Variants in TBC1D2B observed in about 807,000 individuals in gnomAD.
TBC1D2B encodes TBC1 domain family, member 2B.
Under a neutral mutation model 100.8 loss-of-function variants are expected in TBC1D2B, and 64 were observed. The ratio of observed to expected loss-of-function variants is 0.64; its 90% CI spans 0.52 to 0.78. The LOEUF (loss-of-function observed/expected upper bound fraction) is 0.78, where lower values mean the gene tolerates loss of function less well. Ranked by LOEUF, TBC1D2B falls within the 30% of genes least tolerant of loss-of-function variation. TBC1D2B has a pLI of 0.00. For missense variants in TBC1D2B, 1,052 were observed against 1,218.4 expected (o/e 0.86, Z 2.03); for synonymous variants, 480 against 479.7 (o/e 1.00, Z -0.01).
intron 6 of TBC1D2B, among the ~76,000 whole-genome samples, chr15:78,021,273 A>C (rs1028339830): frequency 2.0e-5 from 3 of 151,998 alleles, no homozygotes; most frequent in Non-Finnish European, 4.4e-5. Context: ...AAAGATATAT[A>C]AACATATCTT....
chr15:78,055,907 G>A (rs147660645), intron 1 of TBC1D2B, among the ~76,000 whole-genome samples: 37 of 152,294 alleles, frequency 2.4e-4, no homozygotes, highest in South Asian at 6.2e-4. Flanking sequence ...CAGGCGACGC[G>A]GGGCTGGCGT....
chr15:78,060,027 A>T (rs1441132104), intron 1 of TBC1D2B, among the ~76,000 whole-genome samples: 2 of 152,182 alleles, frequency 1.3e-5, no homozygotes, highest in Non-Finnish European at 2.9e-5. Flanking sequence ...AATTTACCAC[A>T]TTTTAGAAGC....
chr15:78,032,145 G>C (rs886910444), intron 3 of TBC1D2B, among the ~76,000 whole-genome samples: 1 of 152,220 alleles, frequency 6.6e-6, no homozygotes, highest in African/African-American at 2.4e-5. Context: ...TCCGAGGACA[G>C]GGAGAGAACC....
At chr15:78,060,095 T>G (rs2073511422) in intron 1 of TBC1D2B, among the ~76,000 whole-genome samples, 1 of 152,182 alleles carries the variant, frequency 6.6e-6, no homozygotes, top group Non-Finnish European at 1.5e-5. Context: ...GTAGCTAAAG[T>G]AGTCCAAAAG....
intron 10 of TBC1D2B, among the ~76,000 whole-genome samples, chr15:78,007,963 G>A (rs2072111105): frequency 6.6e-6 from 1 of 152,266 alleles, no homozygotes; most frequent in Non-Finnish European, 1.5e-5. Flanking sequence ...GCAACACCAA[G>A]TGGTGCAGGA....
chr15:78,013,465 C>T (rs1006926932), intron 8 of TBC1D2B, 148 bp from the exon 9 acceptor site: 21 of 798,942 alleles, frequency 2.6e-5, no homozygotes, highest in African/African-American at 1.4e-4. Context: ...AGGATATAAT[C>T]GACTTCTCAG....
At chr15:78,037,628 G>A (rs1486822060) in intron 3 of TBC1D2B, among the ~76,000 whole-genome samples, 1 of 147,988 alleles carries the variant, frequency 6.8e-6, no homozygotes, top group Non-Finnish European at 1.5e-5. Flanking sequence ...AGAGGAAGAT[G>A]CAGCAGGGTG....
intron 2 of TBC1D2B, among the ~76,000 whole-genome samples, chr15:78,045,393 A>G (rs962388484): frequency 6.6e-6 from 1 of 152,252 alleles, no homozygotes; most frequent in African/African-American, 2.4e-5. Flanking sequence ...ACCCGTCATC[A>G]AAGTCCAATC....
intron 4 of TBC1D2B, among the ~76,000 whole-genome samples, chr15:78,027,233 G>A (rs946659676): frequency 6.6e-6 from 1 of 152,126 alleles, no homozygotes. Context: ...TCCCTGGGGC[G>A]GGGTAGTGAC....
At chr15:78,053,291 G>A (rs1214088240) in intron 2 of TBC1D2B, among the ~76,000 whole-genome samples, 4 of 152,172 alleles carry the variant, frequency 2.6e-5, no homozygotes, top group East Asian at 1.9e-4. Context: ...TTTAATGTAC[G>A]CTCCGTGTGT....
intron 1 of TBC1D2B, among the ~76,000 whole-genome samples, chr15:78,069,480 C>T (rs1340793159): frequency 6.6e-6 from 1 of 152,192 alleles, no homozygotes; most frequent in Non-Finnish European, 1.5e-5. Flanking sequence ...ACCCTTTGTA[C>T]CCAACACGAT....
intron 2 of TBC1D2B, among the ~76,000 whole-genome samples, chr15:78,049,473 A>G (rs374544935): frequency 6.6e-6 from 1 of 152,054 alleles, no homozygotes; most frequent in African/African-American, 2.4e-5. Context: ...TATACTCATC[A>G]TACTTCCTGA....
At chr15:78,004,981 G>A (rs2072027403) in intron 10 of TBC1D2B, among the ~76,000 whole-genome samples, 1 of 152,230 alleles carries the variant, frequency 6.6e-6, no homozygotes, top group Non-Finnish European at 1.5e-5. Context: ...CTGTAAAGTG[G>A]CAAGGGAGAT....
chr15:78,058,976 C>T (rs956038009), intron 1 of TBC1D2B, among the ~76,000 whole-genome samples: 1 of 152,188 alleles, frequency 6.6e-6, no homozygotes, highest in African/African-American at 2.4e-5. Context: ...CTTCAAGGTC[C>T]AATGCAAAGG....
chr15:78,025,618 C>T (rs777148550), intron 4 of TBC1D2B, 121 bp from the exon 5 acceptor site: 10 of 672,448 alleles, frequency 1.5e-5, no homozygotes, highest in Non-Finnish European at 2.3e-5. Context: ...GCTCCGCCTC[C>T]CAGGTTCATG....
chr15:78,004,153 C>T (rs558952107), intron 10 of TBC1D2B, among the ~76,000 whole-genome samples: 4 of 152,306 alleles, frequency 2.6e-5, no homozygotes, highest in South Asian at 2.1e-4. Context: ...TACCTGCGCA[C>T]GACAGACGAG....
intron 3 of TBC1D2B, among the ~76,000 whole-genome samples, chr15:78,038,698 C>T (rs369516875): frequency 6.6e-6 from 1 of 152,202 alleles, no homozygotes; most frequent in Admixed American, 6.5e-5. Flanking sequence ...TAAATACAAC[C>T]GGAGACATGG....
chr15:78,013,299 C>T lies in TBC1D2B; in HGVS notation c.1794G>A (p.Gly598=). The T allele has an allele frequency of 6.2e-7, 1 of 1,607,686 alleles. No homozygotes were observed. The highest frequency in any genetic ancestry group is 8.5e-7 in the Non-Finnish European group (1 of 1,176,660). ...CATCATCCTCAGGTACAGTCCTGAA[C>T]CCATAAATATCATATTCACTGTTGA... ...PHLVSEYDIY[G]FRTVPEDDEE... The change falls in exon 9 of 13, where the codon GGG becomes GGA. Residue 598 remains glycine (G), a synonymous_variant. Transcript: ENST00000300584.
At chr15:78,058,138 T>C (rs1256830496) in intron 1 of TBC1D2B, among the ~76,000 whole-genome samples, 1 of 152,228 alleles carries the variant, frequency 6.6e-6, no homozygotes, top group East Asian at 1.9e-4. Context: ...ACTGGTTTAA[T>C]GTGGCTCATT....
Sources: allele counts gnomAD v4.1 joint callset (sites outside exome capture counted in the v4.1 genomes callset), GRCh38; gene constraint gnomAD v4.1.1; transcripts MANE v1.5; gene names NCBI Gene and HGNC (gene_info 2026-07-23, HGNC 2026-07-21).